The following AGBL4 variants were observed in gnomAD, a reference collection of about 807,000 sequenced individuals.
AGBL4 encodes AGBL carboxypeptidase 4.
In AGBL4, 58 loss-of-function variants were observed where a neutral mutation model predicts 66.4. The observed-to-expected ratio is 0.87, with a 90% CI of 0.71 to 1.09. The LOEUF (loss-of-function observed/expected upper bound fraction) is 1.09. Among genes scored for constraint, AGBL4 ranks in the 50% least tolerant of loss-of-function variants. AGBL4 has a pLI of 0.00. For missense variants in AGBL4, 579 were observed against 631.0 expected, an observed-to-expected ratio of 0.92 and a Z score of 0.88; for synonymous variants, 234 against 222.9, an observed-to-expected ratio of 1.05 and a Z score of -0.44.
intron 5 of AGBL4, among the ~76,000 whole-genome samples, chr1:48,919,953 G>A (rs1408396218): frequency 6.6e-6 from 1 of 152,156 alleles, no homozygotes; most frequent in Non-Finnish European, 1.5e-5. Context: ...GTGTTGCTCA[G>A]TATATGTAAT....
At chr1:49,695,803 C>A (rs1646971503) in intron 3 of AGBL4, among the ~76,000 whole-genome samples, 1 of 152,080 alleles carries the variant, frequency 6.6e-6, no homozygotes, top group South Asian at 2.1e-4. Context: ...ATATTGCATA[C>A]ACTCAGTCTT....
intron 2 of AGBL4, among the ~76,000 whole-genome samples, chr1:49,750,339 T>G (rs1185828517): frequency 2.6e-5 from 4 of 152,202 alleles, no homozygotes; most frequent in Non-Finnish European, 5.9e-5. Context: ...CCAAAACCAT[T>G]TATTAAATAA....
At chr1:49,883,366 A>G (rs1263262134) in intron 1 of AGBL4, among the ~76,000 whole-genome samples, 1 of 152,080 alleles carries the variant, frequency 6.6e-6, no homozygotes, top group Non-Finnish European at 1.5e-5. Flanking sequence ...CTGGGAAGTC[A>G]TATCTGACTT....
intron 3 of AGBL4, chr1:49,472,162 G>A (rs1477160750): frequency 6.6e-6 from 1 of 151,980 alleles, no homozygotes; most frequent in Admixed American, 6.6e-5. Context: ...TCTGCAATAA[G>A]GTGGCAACAT....
chr1:48,989,697 T>C (rs1310417712), intron 5 of AGBL4, among the ~76,000 whole-genome samples: 1 of 152,232 alleles, frequency 6.6e-6, no homozygotes, highest in Non-Finnish European at 1.5e-5. Flanking sequence ...TTGTTGCAAA[T>C]GACAGAATCT....
intron 3 of AGBL4, among the ~76,000 whole-genome samples, chr1:49,695,348 C>T (rs1646963378): frequency 6.6e-6 from 1 of 152,188 alleles, no homozygotes; most frequent in African/African-American, 2.4e-5. Context: ...TGAAGAAAAT[C>T]TCATAGGGGT....
At chr1:49,758,017 G>T (rs1652019841) in intron 2 of AGBL4, among the ~76,000 whole-genome samples, 1 of 152,102 alleles carries the variant, frequency 6.6e-6, no homozygotes, top group South Asian at 2.1e-4. Context: ...CCAGGCCCAG[G>T]GCAATCCCCA....
intron 2 of AGBL4, among the ~76,000 whole-genome samples, chr1:49,702,141 C>A (rs916898175): frequency 6.6e-6 from 1 of 152,126 alleles, no homozygotes; most frequent in African/African-American, 2.4e-5. Flanking sequence ...CAGGAAAATT[C>A]TATGTCCAAA....
intron 7 of AGBL4, 50 bp downstream of exon 7, chr1:48,663,102 T>C (rs762855992): frequency 3.2e-6 from 5 of 1,554,716 alleles, no homozygotes; most frequent in Non-Finnish European, 4.4e-6. Flanking sequence ...ATCATCACAG[T>C]GTCCCAGTTG....
At chr1:49,871,086 G>A (rs557463095) in intron 1 of AGBL4, among the ~76,000 whole-genome samples, 85 of 152,126 alleles carry the variant, frequency 5.6e-4, no homozygotes, top group Non-Finnish European at 1.1e-3. Flanking sequence ...CCAATTGTGG[G>A]AGTTAAAATT....
intron 11 of AGBL4, among the ~76,000 whole-genome samples, chr1:48,542,275 T>C (rs978942473): frequency 1.3e-5 from 2 of 152,244 alleles, no homozygotes; most frequent in Non-Finnish European, 2.9e-5. Context: ...AAGTCTTTTC[T>C]ATTGTGAATA....
intron 9 of AGBL4, among the ~76,000 whole-genome samples, chr1:48,625,068 C>A (rs1043193994): frequency 6.6e-6 from 1 of 150,910 alleles, no homozygotes; most frequent in African/African-American, 2.5e-5. Flanking sequence ...ACCACCATAC[C>A]CAGCTAATTC....
chr1:50,019,983 C>G (rs911429751), intron 1 of AGBL4, among the ~76,000 whole-genome samples: 3 of 152,108 alleles, frequency 2.0e-5, no homozygotes, highest in South Asian at 2.1e-4. Flanking sequence ...TCTTACAGAG[C>G]TATCTACATG....
At chr1:49,364,919 C>G (rs906318900) in intron 3 of AGBL4, among the ~76,000 whole-genome samples, 4 of 152,158 alleles carry the variant, frequency 2.6e-5, no homozygotes, top group Admixed American at 6.5e-5. Context: ...CATTTTCAAC[C>G]ACTATACTGA....
At chr1:48,987,739 CAG>C (rs898528310) in intron 5 of AGBL4, among the ~76,000 whole-genome samples, 1 of 152,068 alleles carries the variant, frequency 6.6e-6, no homozygotes, top group Admixed American at 6.6e-5. Context: ...ATTACTAAGA[CAG>C]ATCATATTCT....
In AGBL4 at chr1:49,516,256, C is replaced by T. The variant is rs111429377; in HGVS notation, c.282+181057G>A. 1.9e-3 allele frequency among the ~76,000 whole-genome samples: 293 copies of T among 152,022 alleles called. 3 individuals carry two copies. The highest frequency in any genetic ancestry group is 6.7e-3 in the African/African-American group (278 of 41,510). On this transcript the variant is annotated intron_variant, in intron 3 of 13. Transcript: ENST00000371839. Reference sequence around the variant, plus strand: ...AAATACACATGCAATTATACTATAGCATCACAAATGGTGTTATAAAGGAAA... The same window carrying T: ...AAATACACATGCAATTATACTATAGTATCACAAATGGTGTTATAAAGGAAA...
intron 3 of AGBL4, among the ~76,000 whole-genome samples, chr1:49,322,151 G>C (rs981195697): frequency 2.6e-4 from 39 of 152,224 alleles, no homozygotes; most frequent in Admixed American, 1.8e-3. Flanking sequence ...AAGGGGAACA[G>C]ACTAGAGCAT....
chr1:49,753,453 G>T (rs1003907713), intron 2 of AGBL4, among the ~76,000 whole-genome samples: 6 of 152,148 alleles, frequency 3.9e-5, no homozygotes, highest in African/African-American at 1.4e-4. Context: ...AGTCTGATGG[G>T]CTTCCCTTTG....
intron 6 of AGBL4, among the ~76,000 whole-genome samples, chr1:48,670,595 T>C (rs931953783): frequency 3.3e-5 from 5 of 152,274 alleles, no homozygotes; most frequent in Admixed American, 3.3e-4. Context: ...CAGGCTGCTC[T>C]GTGGGCTCTG....
Sources: allele counts gnomAD v4.1 joint callset (sites outside exome capture counted in the v4.1 genomes callset), GRCh38; gene constraint gnomAD v4.1.1; transcripts MANE v1.5; gene names NCBI Gene and HGNC (gene_info 2026-07-23, HGNC 2026-07-21).